GSE1: variants seen among roughly 807,000 people sequenced by gnomAD.
GSE1 encodes the protein Gse1 coiled-coil protein.
A neutral mutation model predicts 112.6 loss-of-function variants in GSE1; 32 were observed. That is an observed-to-expected ratio of 0.28 (90% CI 0.21 to 0.38). The LOEUF (loss-of-function observed/expected upper bound fraction) is 0.38. GSE1 is among the 10% of genes least tolerant of loss of function. GSE1 has a pLI of 1.00. For synonymous variants in GSE1, 1,115 were observed against 735.6 expected (o/e 1.52, Z -8.35); for missense variants, 2,348 against 1,699.2 (o/e 1.38, Z -6.71).
chr16:85,644,575 CG>C (rs2050701143), intron 2 of GSE1, among the ~76,000 whole-genome samples: 1 of 152,100 alleles, frequency 6.6e-6, no homozygotes, highest in African/African-American at 2.4e-5. Flanking sequence ...AAGGGCCACG[CG>C]GTGGGATTCC....
At chr16:85,669,072 C>T (rs926778847) in intron 14 of GSE1, among the ~76,000 whole-genome samples, 2 of 152,250 alleles carry the variant, frequency 1.3e-5, no homozygotes, top group African/African-American at 2.4e-5. Flanking sequence ...AGTGGGGCCA[C>T]GAAGTTGGGC....
At chr16:85,256,206 C>T (rs773937584) in intron 1 of GSE1, among the ~76,000 whole-genome samples, 2 of 143,996 alleles carry the variant, frequency 1.4e-5, no homozygotes, top group African/African-American at 2.5e-5. Context: ...CGGACAGCAC[C>T]GGGGGGTGGA....
intron 2 of GSE1, among the ~76,000 whole-genome samples, chr16:85,403,928 C>G (rs956112833): frequency 6.6e-6 from 1 of 152,160 alleles, no homozygotes. Flanking sequence ...ACTGCCTCTC[C>G]CAGCCTCTGG....
At chr16:85,294,649 CTCTCTCTCTG>C (rs1376544103) in intron 1 of GSE1, among the ~76,000 whole-genome samples, 15 of 118,260 alleles carry the variant, frequency 1.3e-4, no homozygotes, top group African/African-American at 3.6e-4. Context: ...CTCTCTCTCT[CTCTCTCTCTG>C]TCTCTCTCTC....
chr16:85,205,899 G>T (rs531564277), intron 1 of GSE1, among the ~76,000 whole-genome samples: 1 of 152,316 alleles, frequency 6.6e-6, no homozygotes, highest in Non-Finnish European at 1.5e-5. Context: ...ACTGAGTGCC[G>T]TCACGTGCCT....
intron 2 of GSE1, among the ~76,000 whole-genome samples, chr16:85,444,108 C>T (rs148205939): frequency 0.048 from 7,242 of 151,772 alleles, 584 homozygotes; most frequent in African/African-American, 0.17. Context: ...CCTCAGCCTC[C>T]GGAGTAGATG....
chr16:85,635,015 G>GT (rs2049870487), intron 2 of GSE1, among the ~76,000 whole-genome samples: 2 of 152,184 alleles, frequency 1.3e-5, no homozygotes, highest in South Asian at 4.1e-4. Context: ...AGGCCCACGG[G>GT]TTAAGATCCG....
chr16:85,667,973 C>T (rs1352334382), intron 13 of GSE1, among the ~76,000 whole-genome samples, 167 bp from the exon 14 acceptor site: 1 of 63,258 alleles, frequency 1.6e-5, no homozygotes, highest in African/African-American at 6.3e-5. Context: ...CTCAAGTGGC[C>T]CAGAGGCCTT....
chr16:85,408,473 C>G (rs1326520600), intron 2 of GSE1, among the ~76,000 whole-genome samples: 2 of 55,226 alleles, frequency 3.6e-5, no homozygotes, highest in Non-Finnish European at 7.2e-5. Flanking sequence ...ATAATCCTCA[C>G]TGTTACTCTC....
At chr16:85,203,980 G>A (rs2075073403) in intron 1 of GSE1, among the ~76,000 whole-genome samples, 1 of 152,144 alleles carries the variant, frequency 6.6e-6, no homozygotes, top group African/African-American at 2.4e-5. Context: ...TATGTTGCTG[G>A]TCTCAAACTC....
chr16:85,507,894 C>T (rs183680282), intron 2 of GSE1, among the ~76,000 whole-genome samples: 7 of 152,296 alleles, frequency 4.6e-5, no homozygotes, highest in East Asian at 1.9e-4. Flanking sequence ...AGAAGAGTTG[C>T]GAGCACACGC....
chr16:85,376,478 T>A (rs2047422988), intron 2 of GSE1, among the ~76,000 whole-genome samples: 2 of 152,164 alleles, frequency 1.3e-5, no homozygotes, highest in Admixed American at 1.3e-4. Context: ...GATGGCAGAT[T>A]TGGGCACAGA....
intron 1 of GSE1, among the ~76,000 whole-genome samples, chr16:85,601,556 G>T (rs547735378): frequency 6.6e-6 from 1 of 152,240 alleles, no homozygotes; most frequent in South Asian, 2.1e-4. Flanking sequence ...CTGCCTCCAC[G>T]CTCACCTTCA....
intron 2 of GSE1, among the ~76,000 whole-genome samples, chr16:85,446,981 C>G (rs1597784929): frequency 6.6e-6 from 1 of 152,180 alleles, no homozygotes; most frequent in African/African-American, 2.4e-5. Flanking sequence ...TCCGACCCCT[C>G]CAGCACAATG....
At chr16:85,420,145 G>A (rs990980874) in intron 2 of GSE1, among the ~76,000 whole-genome samples, 1 of 152,044 alleles carries the variant, frequency 6.6e-6, no homozygotes, top group Non-Finnish European at 1.5e-5. Flanking sequence ...CCAGTGCTTT[G>A]GGAGGCTGAA....
chr16:85,557,022 T>C (rs2045262598), intron 1 of GSE1, among the ~76,000 whole-genome samples: 1 of 151,838 alleles, frequency 6.6e-6, no homozygotes, highest in African/African-American at 2.4e-5. Context: ...GCTTTCAGCC[T>C]GGAGGGGAGG....
chr16:85,656,458 C>T lies in GSE1; in HGVS notation c.1105C>T (p.Arg369Cys), dbSNP rs766824797. The change falls in exon 7 of 16, where the codon CGC becomes TGC. Residue 369 changes from arginine to cysteine, a missense_variant. Coordinates refer to ENST00000253458, the MANE Select transcript of GSE1 (RefSeq NM_014615.5). ...KEREREREKE[R>C]EQEKEREREK... ...ACGTGAGCGCGAACGCGAGAAGGAG[C>T]GCGAGCAAGAGAAGGAGCGTGAGCG... 26 of 1,549,876 alleles carry T rather than the reference C, an allele frequency of 1.7e-5. No individual in the cohort carries two copies. Among genetic ancestry groups the T allele is most frequent in the East Asian group, 9.6e-5 (4 of 41,560 alleles).
chr16:85,240,406 G>A (rs931937466), intron 1 of GSE1, among the ~76,000 whole-genome samples: 1 of 152,220 alleles, frequency 6.6e-6, no homozygotes, highest in African/African-American at 2.4e-5. Context: ...CAAGGGGGAG[G>A]GGGGTGGAGT....
chr16:85,591,659 A>G (rs1036016790), intron 1 of GSE1, among the ~76,000 whole-genome samples: 1 of 152,132 alleles, frequency 6.6e-6, no homozygotes, highest in Non-Finnish European at 1.5e-5. Flanking sequence ...CTGCAGGCAG[A>G]CCAGCCACTC....
Sources: allele counts gnomAD v4.1 joint callset (sites outside exome capture counted in the v4.1 genomes callset), GRCh38; gene constraint gnomAD v4.1.1; transcripts MANE v1.5; gene names NCBI Gene and HGNC (gene_info 2026-07-23, HGNC 2026-07-21).